The following NSUN2 variants were observed in gnomAD, a reference collection of about 807,000 sequenced individuals.
NSUN2 encodes the protein RNA cytosine C(5)-methyltransferase NSUN2.
A neutral mutation model predicts 92.7 loss-of-function variants in NSUN2; 63 were observed. That is an observed-to-expected ratio of 0.68 (90% confidence interval 0.56 to 0.84). The LOEUF (loss-of-function observed/expected upper bound fraction) is 0.84, where lower values mean the gene tolerates loss of function less well. NSUN2 is among the 40% of genes least tolerant of loss of function. NSUN2 has a pLI of 0.00. For missense variants in NSUN2, 989 were observed against 964.9 expected (o/e 1.02, Z -0.33); for synonymous variants, 356 against 348.3 (o/e 1.02, Z -0.25).
rs761905973 is a variant in NSUN2, at chr5:6,600,146, C to A, written c.2084G>T (p.Arg695Leu). The A allele has an allele frequency of 2.5e-6, 4 of 1,614,152 alleles. No homozygotes were observed. Among genetic ancestry groups the A allele is most frequent in the Non-Finnish European group, 2.5e-6 (3 of 1,179,974 alleles). Residue 695 changes from arginine (R) to leucine (L), a missense_variant, in exon 19 of 19, where the codon CGG becomes CTG. By Grantham distance (102) the Arg-to-Leu change is moderately radical (BLOSUM62 -2). This residue lies in a region of NSUN2 where 626 missense variants were observed against 602.3 expected (regional missense o/e 1.04). Coordinates refer to ENST00000264670, the MANE Select transcript of NSUN2 (RefSeq NM_017755.6). ...CCCCATCATCCTGAGATAATGAAGC[C>A]GTTCATTCTTGGGCACAAAAGTTCG... ...SIRTFVPKNE[R>L]LHYLRMMGLE... is the part of the protein sequence containing the mutation.
At chr5:6,624,816 T>C (rs1443635146) in intron 4 of NSUN2, among the ~76,000 whole-genome samples, 1 of 63,340 alleles carries the variant, frequency 1.6e-5, no homozygotes. Context: ...GTTTAGAAAA[T>C]AGGAAGGACG....
chr5:6,603,029 C>G (rs987325178), intron 17 of NSUN2, among the ~76,000 whole-genome samples: 3 of 152,118 alleles, frequency 2.0e-5, no homozygotes, highest in Admixed American at 6.5e-5. Context: ...TTTTATATCC[C>G]AAAGGAACCA....
chr5:6,610,016 A>C, intron 11 of NSUN2, 94 bp from the exon 12 acceptor site: 2 of 893,604 alleles, frequency 2.2e-6, no homozygotes, highest in East Asian at 5.6e-5. Flanking sequence ...ACAAGAGAAA[A>C]ATCATGTCTT....
chr5:6,606,037 A>C (rs1260059103), intron 14 of NSUN2, among the ~76,000 whole-genome samples: 1 of 152,218 alleles, frequency 6.6e-6, no homozygotes, highest in Non-Finnish European at 1.5e-5. Context: ...TAAAAAAGAC[A>C]GTAAGTGACC....
At chr5:6,605,594 CATTT>C (rs1396011855) in intron 14 of NSUN2, among the ~76,000 whole-genome samples, 186 bp from the exon 15 acceptor site, 1 of 152,152 alleles carries the variant, frequency 6.6e-6, no homozygotes, top group African/African-American at 2.4e-5. Context: ...CTCCACGTAA[CATTT>C]ATTTGGGGCA....
At chr5:6,610,518 G>C (rs1206787652) in intron 11 of NSUN2, among the ~76,000 whole-genome samples, 1 of 151,922 alleles carries the variant, frequency 6.6e-6, no homozygotes, top group Non-Finnish European at 1.5e-5. Context: ...GTGAAACCCT[G>C]TCTCTACTAA....
intron 4 of NSUN2, 23 bp downstream of exon 4, chr5:6,625,541 C>A: frequency 6.4e-7 from 1 of 1,551,510 alleles, no homozygotes; most frequent in Non-Finnish European, 8.9e-7. Context: ...AGGAAACTAG[C>A]AAGTCTAAAG....
intron 3 of NSUN2, among the ~76,000 whole-genome samples, chr5:6,629,224 C>T (rs1737771325): frequency 6.6e-6 from 1 of 152,300 alleles, no homozygotes; most frequent in South Asian, 2.1e-4. Flanking sequence ...AGACAACCTG[C>T]AGATTCTAAG....
In NSUN2 at chr5:6,600,093, C is replaced by T. The variant is rs200232369; in HGVS notation, c.2137G>A (p.Glu713Lys). The change falls in exon 19 of 19, where the codon GAA becomes AAA. Residue 713 changes from glutamate (E) to lysine (K), a missense_variant. This residue lies in a region of NSUN2 where 626 missense variants were observed against 602.3 expected (regional missense o/e 1.04). Transcript: ENST00000264670. ...GLEVLGEKKK[E>K]GVILTNESAA... ...CTCTCATTTGTGAGGATAACCCCTTCCTTCTTCTTTTCTCCCAATACCTCC... is the reference window on the plus strand; with the variant it reads ...CTCTCATTTGTGAGGATAACCCCTTTCTTCTTCTTTTCTCCCAATACCTCC... The T allele has an allele frequency of 1.7e-5, 28 of 1,614,242 alleles. No individual in the cohort carries two copies. The Admixed American group carries it at 2.8e-4, about 16-fold the overall frequency.
intron 7 of NSUN2, 132 bp downstream of exon 7, chr5:6,619,974 G>C (rs1737368728): frequency 1.5e-6 from 1 of 670,768 alleles, no homozygotes; most frequent in East Asian, 3.1e-5. Flanking sequence ...TTTGGTTTAG[G>C]CTCACGCTAT....
chr5:6,612,109 G>A (rs545082077), intron 9 of NSUN2, among the ~76,000 whole-genome samples: 3 of 152,238 alleles, frequency 2.0e-5, no homozygotes, highest in East Asian at 1.9e-4. Flanking sequence ...TCACTGAACC[G>A]TACACTTAAA....
intron 13 of NSUN2, 139 bp from the exon 14 acceptor site, chr5:6,607,051 C>T: frequency 1.0e-6 from 1 of 981,948 alleles, no homozygotes; most frequent in South Asian, 1.5e-5. Context: ...CCGGCTTCCA[C>T]AGAGTCCAGC....
chr5:6,630,628 C>T (rs1737842204), intron 3 of NSUN2, among the ~76,000 whole-genome samples: 1 of 152,152 alleles, frequency 6.6e-6, no homozygotes, highest in Admixed American at 6.5e-5. Context: ...AATGTATATG[C>T]TTATCTGTGA....
At chr5:6,630,849 C>T (rs1050118553) in intron 3 of NSUN2, among the ~76,000 whole-genome samples, 5 of 152,268 alleles carry the variant, frequency 3.3e-5, no homozygotes, top group Admixed American at 2.6e-4. Context: ...AATCCCAGCA[C>T]TTTGGGAGGC....
At chr5:6,627,554 A>C (rs1737698050) in intron 3 of NSUN2, among the ~76,000 whole-genome samples, 1 of 152,226 alleles carries the variant, frequency 6.6e-6, no homozygotes, top group African/African-American at 2.4e-5. Flanking sequence ...CAAATTTCTG[A>C]TAGTCAAAAT....
At chr5:6,623,152 C>T (rs1737523365) in intron 5 of NSUN2, 62 bp downstream of exon 5, 2 of 1,438,328 alleles carry the variant, frequency 1.4e-6, no homozygotes, top group African/African-American at 1.5e-5. Flanking sequence ...TTCATCAAAA[C>T]AAACAGGCAT....
In NSUN2 at chr5:6,599,537, T is replaced by C. The variant is rs780214753; in HGVS notation, c.*389A>G. ...TCCCCAAGAATTTATAGATTCTTTC[T>C]ATAAATAATAATTTAAAAAATACTG... On this transcript the variant is annotated 3_prime_UTR_variant, in exon 19 of 19. Transcript: ENST00000264670. 3.1e-4 allele frequency: 50 copies of C among 162,650 alleles called. No individual in the cohort carries two copies. The highest frequency in any genetic ancestry group is 5.0e-4 in the Non-Finnish European group (37 of 74,604). 10.1% of individuals were successfully genotyped at this position (162,650 alleles called of 1,614,324 possible).
chr5:6,611,259 A>T (rs1736976697), intron 10 of NSUN2, among the ~76,000 whole-genome samples, 174 bp from the exon 11 acceptor site: 1 of 152,188 alleles, frequency 6.6e-6, no homozygotes, highest in South Asian at 2.1e-4. Context: ...AAAATCCCCA[A>T]ATTATTAATA....
At chr5:6,609,706 C>A in intron 12 of NSUN2, 120 bp downstream of exon 12, 2 of 749,254 alleles carry the variant, frequency 2.7e-6, no homozygotes, top group Non-Finnish European at 4.5e-6. Context: ...AGGGTCAGCT[C>A]TCCTGCTGCC....
Sources: gnomAD v4.1 joint callset for allele counts (sites outside exome capture counted in the v4.1 genomes callset) on GRCh38, gnomAD v4.1.1 for gene constraint, gnomAD v4.1.1 regional missense constraint, MANE v1.5 for transcripts, NCBI Gene and HGNC (gene_info 2026-07-23, HGNC 2026-07-21) for gene names.